ZC4H2: variants seen among roughly 807,000 people sequenced by gnomAD.
ZC4H2 encodes zinc finger C4H2 domain-containing protein.
For missense variants in ZC4H2, 137 were observed against 173.9 expected (o/e 0.79, Z 1.19); for synonymous variants, 84 against 66.3 (o/e 1.27, Z -1.30).
chrX:64,927,774 C>T (rs1929495870), intron 1 of ZC4H2, among the ~76,000 whole-genome samples: 1 of 112,148 alleles, frequency 8.9e-6, no homozygotes, highest in Non-Finnish European at 1.9e-5. Flanking sequence ...CCTATTTCTC[C>T]ACATAATCAG....
At chrX:64,934,100 A>T (rs946352813) in intron 1 of ZC4H2, among the ~76,000 whole-genome samples, 3 of 112,111 alleles carry the variant, frequency 2.7e-5, no homozygotes, top group African/African-American at 9.7e-5. Context: ...CTCTGATCCT[A>T]TCAGCAGAGA....
intron 1 of ZC4H2, among the ~76,000 whole-genome samples, chrX:64,999,986 C>A (rs1185352670): frequency 1.8e-5 from 2 of 112,119 alleles, no homozygotes; most frequent in African/African-American, 6.5e-5. Flanking sequence ...GACAGAGCAC[C>A]TGGGGGAAGG....
upstream of ZC4H2, among the ~76,000 whole-genome samples, chrX:64,978,480 G>A (rs1932014996): frequency 8.9e-6 from 1 of 111,916 alleles, no homozygotes; most frequent in African/African-American, 3.3e-5. Flanking sequence ...CCCGTAAGGG[G>A]AGGAGGTAAG....
At chrX:64,984,467 G>T (rs901186504) in intron 1 of ZC4H2, among the ~76,000 whole-genome samples, 2 of 111,507 alleles carry the variant, frequency 1.8e-5, no homozygotes, top group Non-Finnish European at 3.8e-5. Context: ...CATTACGGAT[G>T]AATTCATAGG....
intron 1 of ZC4H2, among the ~76,000 whole-genome samples, chrX:65,014,039 T>A (rs937278896): frequency 9.0e-6 from 1 of 110,733 alleles, no homozygotes; most frequent in African/African-American, 3.3e-5. Context: ...AAATTGGAAC[T>A]AAATATTTCA....
In ZC4H2 at chrX:64,921,838, C is replaced by A. The variant is rs139208678; in HGVS notation, c.204G>T (p.Leu68=). Residue 68 remains leucine (L), a synonymous_variant, in exon 2 of 5, where the codon CTG becomes CTT. Coordinates refer to ENST00000374839, the MANE Select transcript of ZC4H2 (RefSeq NM_018684.4). ...EKMAHVEELR[L]IHADINVMEN... is the part of the protein sequence containing the mutation. ...GTACCACATTGATGTCAGCGTGGAT[C>A]AGTCGGAGTTCCTCCACATGGGCCA... 54 of 1,208,228 alleles carry A rather than the reference C, an allele frequency of 4.5e-5. No homozygotes were observed. In the African/African-American group the frequency reaches 8.8e-4, roughly 20 times the overall value.
At chrX:64,987,097 T>A (rs1304066551) in intron 1 of ZC4H2, among the ~76,000 whole-genome samples, 11 of 108,302 alleles carry the variant, frequency 1.0e-4, no homozygotes, top group Admixed American at 5.0e-4. Context: ...CCGGCTAATT[T>A]TTTTGTATTT....
intron 1 of ZC4H2, among the ~76,000 whole-genome samples, chrX:64,999,821 C>T (rs1044491704): frequency 3.6e-5 from 4 of 112,138 alleles, no homozygotes; most frequent in Non-Finnish European, 1.9e-5. Context: ...AATAAATCCT[C>T]CAGCATGTTC....
At chrX:64,920,019 T>C in intron 3 of ZC4H2, 62 bp downstream of exon 3, 2 of 1,124,748 alleles carry the variant, frequency 1.8e-6, no homozygotes, top group Non-Finnish European at 2.4e-6. Flanking sequence ...TGTGTAGGTA[T>C]GTAAGTATGT....
At chrX:65,032,908 C>G (rs1025647878) in intron 1 of ZC4H2, among the ~76,000 whole-genome samples, 7 of 111,340 alleles carry the variant, frequency 6.3e-5, no homozygotes, top group Non-Finnish European at 1.1e-4. Context: ...TCCCAAGTAG[C>G]TGGGATTACA....
chrX:65,028,619 C>T (rs899400727), intron 1 of ZC4H2, among the ~76,000 whole-genome samples: 1 of 109,782 alleles, frequency 9.1e-6, no homozygotes, highest in African/African-American at 3.3e-5. Flanking sequence ...GCAACCTCTG[C>T]CTCCTGGGTT....
intron 1 of ZC4H2, among the ~76,000 whole-genome samples, chrX:64,968,475 C>T (rs1399242406): frequency 9.0e-6 from 1 of 111,536 alleles, no homozygotes; most frequent in Admixed American, 9.5e-5. Context: ...CTCTTGGCAC[C>T]TTGGAAATTC....
chrX:64,954,685 G>A (rs6624134), intron 1 of ZC4H2, among the ~76,000 whole-genome samples: 2 of 107,983 alleles, frequency 1.9e-5, no homozygotes, highest in Admixed American at 1.0e-4. Context: ...TTCAATACAG[G>A]TTTCTATAAA....
chrX:64,947,887 C>T (rs1179280768), intron 1 of ZC4H2, among the ~76,000 whole-genome samples: 2 of 108,811 alleles, frequency 1.8e-5, no homozygotes, highest in African/African-American at 6.7e-5. Context: ...CATGAAGTGG[C>T]TGTGCTGGCC....
chrX:65,016,240 T>C (rs1437368198), intron 1 of ZC4H2, among the ~76,000 whole-genome samples: 2 of 111,227 alleles, frequency 1.8e-5, no homozygotes, highest in Admixed American at 9.6e-5. Flanking sequence ...CAAGTCAGGG[T>C]GGCCATGCAC....
At chrX:65,008,837 T>A (rs1932712280) in intron 1 of ZC4H2, among the ~76,000 whole-genome samples, 1 of 111,529 alleles carries the variant, frequency 9.0e-6, no homozygotes, top group Non-Finnish European at 1.9e-5. Flanking sequence ...GGGATAAAGA[T>A]GGGATTGTTA....
At chrX:64,942,631 T>C (rs1930342845) in intron 1 of ZC4H2, among the ~76,000 whole-genome samples, 1 of 110,990 alleles carries the variant, frequency 9.0e-6, no homozygotes, top group South Asian at 3.9e-4. Context: ...GGTTTTCAGC[T>C]TCATCAATGT....
intron 1 of ZC4H2, among the ~76,000 whole-genome samples, chrX:64,984,672 G>A (rs1932145604): frequency 9.0e-6 from 1 of 111,668 alleles, no homozygotes; most frequent in African/African-American, 3.3e-5. Flanking sequence ...TAGCAATCTT[G>A]TGACCACTGG....
intron 1 of ZC4H2, among the ~76,000 whole-genome samples, chrX:64,988,647 A>G (rs1438736356): frequency 9.1e-6 from 1 of 110,200 alleles, no homozygotes; most frequent in Admixed American, 9.6e-5. Context: ...AGTAGATTGC[A>G]AAAATTTTCT....
Sources: allele counts gnomAD v4.1 joint callset (sites outside exome capture counted in the v4.1 genomes callset), GRCh38; gene constraint gnomAD v4.1.1; transcripts MANE v1.5; gene names NCBI Gene and HGNC (gene_info 2026-07-23, HGNC 2026-07-21).